CD48: variants seen among roughly 807,000 people sequenced by gnomAD.
CD48 encodes CD48 molecule, also known as CD48 antigen.
In CD48, 20 loss-of-function variants were observed where a neutral mutation model predicts 22.0. That is an observed-to-expected ratio of 0.91 (90% confidence interval 0.64 to 1.32). The LOEUF (loss-of-function observed/expected upper bound fraction) is 1.32. Among genes scored for constraint, CD48 ranks in the 40% most tolerant of loss-of-function variants. The probability of loss-of-function intolerance (pLI) is 0.00; values close to 1 mark genes in which losing one functional copy is unlikely to be tolerated. For missense variants in CD48, 307 were observed against 286.5 expected (o/e 1.07, Z -0.52); for synonymous variants, 110 against 110.1 (o/e 1.00, Z 0.01).
intron 1 of CD48, among the ~76,000 whole-genome samples, chr1:160,707,852 G>C (rs1035627262): frequency 3.9e-5 from 6 of 151,956 alleles, no homozygotes; most frequent in Non-Finnish European, 5.9e-5. Context: ...GCATACATGC[G>C]TACATGAACT....
intron 3 of CD48, 184 bp downstream of exon 3, chr1:160,681,018 G>C: frequency 6.8e-7 from 1 of 1,467,816 alleles, no homozygotes; most frequent in Non-Finnish European, 9.0e-7. Flanking sequence ...ACGAAGTTGA[G>C]GTAAGCTGGC....
chr1:160,691,773 G>A, intron 1 of CD48: 2 of 367,942 alleles, frequency 5.4e-6, no homozygotes, highest in Middle Eastern at 7.2e-4. Context: ...CAACGTGGAG[G>A]CTTTTCTCTG....
intron 1 of CD48, among the ~76,000 whole-genome samples, chr1:160,685,669 A>G (rs1661972409): frequency 6.6e-6 from 1 of 152,260 alleles, no homozygotes; most frequent in Admixed American, 6.5e-5. Context: ...ACACAAACAA[A>G]TAATCCTAAT....
intron 1 of CD48, among the ~76,000 whole-genome samples, chr1:160,693,328 C>T (rs1018397689): frequency 7.2e-5 from 11 of 152,242 alleles, no homozygotes; most frequent in Non-Finnish European, 1.3e-4. Flanking sequence ...TGATGGCATA[C>T]GAAAACGCCA....
At chr1:160,687,297 T>C (rs1273885278) in intron 1 of CD48, among the ~76,000 whole-genome samples, 1 of 152,200 alleles carries the variant, frequency 6.6e-6, no homozygotes, top group Admixed American at 6.5e-5. Context: ...AGATTTCATA[T>C]TGTTTAAACA....
intron 1 of CD48, among the ~76,000 whole-genome samples, chr1:160,702,593 A>T (rs4656928): frequency 2.0e-5 from 3 of 151,914 alleles, no homozygotes; most frequent in African/African-American, 7.3e-5. Flanking sequence ...GCATTTGGCC[A>T]TGTTTGTTGA....
intron 1 of CD48, among the ~76,000 whole-genome samples, chr1:160,708,584 C>T (rs1277070965): frequency 6.6e-6 from 1 of 152,102 alleles, no homozygotes; most frequent in Non-Finnish European, 1.5e-5. Context: ...ACAGGACTTA[C>T]TCATTGGGCA....
intron 2 of CD48, 66 bp from the exon 3 acceptor site, chr1:160,681,534 C>G (rs1661804250): frequency 6.4e-7 from 1 of 1,569,046 alleles, no homozygotes; most frequent in Admixed American, 1.7e-5. Flanking sequence ...GTTTAGCCAA[C>G]AAAGAACAAA....
At chr1:160,703,092 G>C (rs1662684693) in intron 1 of CD48, among the ~76,000 whole-genome samples, 1 of 152,114 alleles carries the variant, frequency 6.6e-6, no homozygotes. Flanking sequence ...GTTTAACTGG[G>C]CATAAGCATC....
chr1:160,681,830 T>C (rs776025844), intron 2 of CD48, among the ~76,000 whole-genome samples: 1 of 152,182 alleles, frequency 6.6e-6, no homozygotes, highest in African/African-American at 2.4e-5. Flanking sequence ...TCAGGGACCC[T>C]TCTCTAGCAA....
chr1:160,683,472 T>C (rs184404680), intron 2 of CD48: 1 of 152,210 alleles, frequency 6.6e-6, no homozygotes. Flanking sequence ...GGTAGCAGTA[T>C]TTAAACCACA....
intron 1 of CD48, among the ~76,000 whole-genome samples, chr1:160,702,850 A>G (rs1003061685): frequency 6.6e-6 from 1 of 152,148 alleles, no homozygotes; most frequent in Admixed American, 6.6e-5. Flanking sequence ...GCCATTTTAC[A>G]TTCATGGTTT....
intron 1 of CD48, among the ~76,000 whole-genome samples, chr1:160,707,157 C>CTATTTTT (rs879453574): frequency 4.6e-5 from 7 of 152,006 alleles, no homozygotes; most frequent in Non-Finnish European, 8.8e-5. Context: ...GAGCAGGCTA[C>CTATTTTT]TATTTTTTGA....
intron 2 of CD48, among the ~76,000 whole-genome samples, chr1:160,682,505 GGAAGA>G (rs1221861464): frequency 1.4e-5 from 2 of 141,012 alleles, no homozygotes; most frequent in African/African-American, 5.1e-5. Flanking sequence ...GAGAGAGAAG[GGAAGA>G]GAAGAGAGGA....
chr1:160,695,660 A>T (rs1662392976), intron 1 of CD48, among the ~76,000 whole-genome samples: 1 of 151,484 alleles, frequency 6.6e-6, no homozygotes, highest in African/African-American at 2.4e-5. Context: ...GAGGCAACAA[A>T]AGAAATTAAA....
intron 1 of CD48, among the ~76,000 whole-genome samples, chr1:160,696,328 A>G (rs1356301292): frequency 2.6e-5 from 4 of 152,296 alleles, no homozygotes; most frequent in African/African-American, 9.6e-5. Context: ...TAAATATAGC[A>G]TGGACGATCA....
rs961542572 is a variant in CD48 at position 160,681,546 on chromosome 1, G to A, written c.386-78C>T. On this transcript the variant is annotated intron_variant, in intron 2 of 3. Coordinates refer to ENST00000368046, the MANE Select transcript of CD48 (RefSeq NM_001778.4). ...AAGGTTTAGCCAACAAAGAACAAAG[G>A]GATCCAGGGAAGGGGCCTGAATGCC... 26 of 1,544,838 alleles carry A rather than the reference G, an allele frequency of 1.7e-5. No individual in the cohort carries two copies. In the African/African-American group the frequency reaches 3.1e-4, roughly 19 times the overall value.
chr1:160,702,523 G>C (rs564820907), intron 1 of CD48, among the ~76,000 whole-genome samples: 6 of 152,124 alleles, frequency 3.9e-5, no homozygotes, highest in Non-Finnish European at 8.8e-5. Context: ...ATTATACCTA[G>C]AGCGGCAAAC....
chr1:160,681,242 G>C lies in CD48; in HGVS notation c.612C>G (p.Ser204Arg). Reference sequence around the variant, plus strand: ...GACTGAGGCAGACCGTGCCATTCTTGCTGCTCACAGAATTGCTGACTTGGC... The same window carrying C: ...GACTGAGGCAGACCGTGCCATTCTTCCTGCTCACAGAATTGCTGACTTGGC... The part of the protein sequence containing the change: ...YTCQVSNSVS[S>R]KNGTVCLSPP... The change falls in exon 3 of 4, where the codon AGC (serine) becomes AGG (arginine). Residue 204 changes from serine to arginine, a missense_variant. Physicochemically the swap from Ser to Arg is moderately radical, Grantham distance 110 (BLOSUM62 -1). Coordinates refer to ENST00000368046, the MANE Select transcript of CD48 (RefSeq NM_001778.4). 1 of 1,614,178 alleles carries C rather than the reference G, an allele frequency of 6.2e-7. No homozygotes were observed. The highest frequency in any genetic ancestry group is 1.1e-5 in the South Asian group (1 of 91,084).
Sources: allele counts gnomAD v4.1 joint callset (sites outside exome capture counted in the v4.1 genomes callset), GRCh38; gene constraint gnomAD v4.1.1; transcripts MANE v1.5; gene names NCBI Gene and HGNC (gene_info 2026-07-23, HGNC 2026-07-21).